AP2A1: variants seen among roughly 807,000 people sequenced by gnomAD.
The protein encoded by AP2A1 is AP-2 complex subunit alpha-1.
Under a neutral mutation model 107.3 loss-of-function variants are expected in AP2A1, and 21 were observed. That is an observed-to-expected ratio of 0.20 (90% CI 0.14 to 0.28). The LOEUF is 0.28. Among genes scored for constraint, AP2A1 ranks in the 10% least tolerant of loss-of-function variants. AP2A1 has a pLI of 1.00. For missense variants in AP2A1, 873 were observed against 1,307.7 expected (o/e 0.67, Z 5.13); for synonymous variants, 602 against 564.8 (o/e 1.07, Z -0.93).
rs200754162 is a variant in AP2A1 at position 49,799,964 on chromosome 19, G to A, written c.1273-4G>A. 39 of 1,612,198 alleles carry A rather than the reference G, an allele frequency of 2.4e-5. No homozygotes were observed. The Admixed American group carries it at 5.7e-4, about 23-fold the overall frequency. ...ACACTCTCTCTCACACGCCCCGGCG[G>A]CAGGTCCTGAAGGTGGCCATCCTGG... On this transcript the variant is annotated splice_polypyrimidine_tract_variant and splice_region_variant and intron_variant, in intron 10 of 22. Coordinates refer to ENST00000354293, the MANE Select transcript of AP2A1 (RefSeq NM_130787.3).
chr19:49,805,073 A>AT (rs1228612709), intron 18 of AP2A1: 3 of 184,746 alleles, frequency 1.6e-5, no homozygotes, highest in Non-Finnish European at 2.2e-5. Flanking sequence ...TGCCTGGCTA[A>AT]TTTTTTTGTA....
At position 49,801,544 on chromosome 19, in the gene AP2A1, C is replaced by T. The variant is rs1023243851; in HGVS notation, c.1708C>T (p.Arg570Cys). The T allele has an allele frequency of 5.0e-6, 8 of 1,613,372 alleles. No individual in the cohort carries two copies. The highest frequency in any genetic ancestry group is 2.7e-5 in the African/African-American group (2 of 74,864). The change falls in exon 13 of 23, where the codon CGC becomes TGC. Residue 570 changes from arginine (R) to cysteine (C), a missense_variant. Coordinates refer to ENST00000354293, the MANE Select transcript of AP2A1 (RefSeq NM_130787.3). ...QGVLRAGSQL[R>C]NADVELQQRA... Reference sequence around the variant, plus strand: ...CGTCCTGCGGGCCGGCTCCCAGCTGCGCAATGCTGACGTGGAGCTGCAGCA... The same window carrying T: ...CGTCCTGCGGGCCGGCTCCCAGCTGTGCAATGCTGACGTGGAGCTGCAGCA...
At chr19:49,774,811 C>T (rs751933393) in intron 1 of AP2A1, among the ~76,000 whole-genome samples, 5 of 151,638 alleles carry the variant, frequency 3.3e-5, no homozygotes, top group African/African-American at 9.7e-5. Context: ...CCTAGCCACT[C>T]GGGAGGCTGA....
chr19:49,781,846 C>A, intron 2 of AP2A1, 21 bp downstream of exon 2: 2 of 1,610,850 alleles, frequency 1.2e-6, no homozygotes, highest in Non-Finnish European at 1.7e-6. Context: ...GGCCCAACTT[C>A]TGGTTCTGAG....
In AP2A1 at chr19:49,767,168, G is replaced by A. The variant is rs764249348; in HGVS notation, c.35G>A (p.Gly12Glu). 6.2e-7 allele frequency: 1 copy of A among 1,612,010 alleles called. No homozygotes were observed. Among genetic ancestry groups the A allele is most frequent in the Non-Finnish European group, 8.5e-7 (1 of 1,179,770 alleles). The part of the protein sequence containing the change: ...PAVSKGDGMR[G>E]LAVFISDIRN... The stretch of plus-strand genomic sequence containing the variant: ...GTGTCCAAGGGCGATGGGATGCGGG[G>A]GCTCGCGGTGTTCATCTCCGACATC... Residue 12 changes from glycine (G) to glutamate (E), a missense_variant, in exon 1 of 23, where the codon GGG (glycine) becomes GAG (glutamate). Around this residue, in one of 4 missense-constraint regions of AP2A1, gnomAD observed 87 missense variants for 178.2 expected, o/e 0.49. Coordinates refer to ENST00000354293, the MANE Select transcript of AP2A1 (RefSeq NM_130787.3).
At chr19:49,790,729 A>G (rs1393896532) in intron 4 of AP2A1, among the ~76,000 whole-genome samples, 1 of 152,240 alleles carries the variant, frequency 6.6e-6, no homozygotes, top group East Asian at 1.9e-4. Context: ...CTTGGATTCA[A>G]AAGAGCCTTG....
At chr19:49,798,703 C>G in intron 7 of AP2A1, 99 bp from the exon 8 acceptor site, 1 of 1,468,632 alleles carries the variant, frequency 6.8e-7, no homozygotes, top group Non-Finnish European at 9.1e-7. Flanking sequence ...ACCCCGAGCT[C>G]CTCCTTTGGA....
rs748925714 is a variant in AP2A1, at chr19:49,802,008, C to T, written c.1981C>T (p.Leu661=). The T allele has an allele frequency of 5.8e-6, 9 of 1,550,010 alleles. No individual in the cohort carries two copies. The East Asian group carries it at 1.2e-4, about 20-fold the overall frequency. ...GACGCCCTCGCCCTCCGCCGACCTCCTGGGGCTGCGGGCAGCCCCTCCCCC... is the reference window on the plus strand; with the variant it reads ...GACGCCCTCGCCCTCCGCCGACCTCTTGGGGCTGCGGGCAGCCCCTCCCCC... ...VSTPSPSADL[L]GLRAAPPPAA... Residue 661 remains leucine, a synonymous_variant, in exon 15 of 23, where the codon CTG becomes TTG. Transcript: ENST00000354293.
At chr19:49,781,228 G>A (rs868522754) in intron 1 of AP2A1, among the ~76,000 whole-genome samples, 7 of 151,998 alleles carry the variant, frequency 4.6e-5, no homozygotes, top group South Asian at 2.1e-4. Context: ...GACAGGCCAC[G>A]CGGGAGAGGA....
intron 1 of AP2A1, among the ~76,000 whole-genome samples, chr19:49,777,714 C>T (rs1052322801): frequency 6.6e-6 from 1 of 151,162 alleles, no homozygotes; most frequent in Non-Finnish European, 1.5e-5. Flanking sequence ...CTGAGGTGGG[C>T]GGAGGAGTTG....
chr19:49,787,320 T>G (rs2084749119), intron 4 of AP2A1, among the ~76,000 whole-genome samples: 1 of 143,436 alleles, frequency 7.0e-6, no homozygotes, highest in Non-Finnish European at 1.5e-5. Context: ...ACCACTCCCA[T>G]CTAGGCTTTT....
chr19:49,787,338 G>GTTTTTTTTTT (rs1418425703), intron 4 of AP2A1, among the ~76,000 whole-genome samples: 4 of 89,732 alleles, frequency 4.5e-5, no homozygotes, highest in Admixed American at 1.2e-4. Context: ...TTTTTTGTTT[G>GTTTTTTTTTT]TTTTTTTTGT....
At position 49,806,905 on chromosome 19, in the gene AP2A1, TTTTA is replaced by T; in HGVS notation, c.*151_*154del. On this transcript the variant is annotated 3_prime_UTR_variant, in exon 23 of 23. Transcript: ENST00000354293. ...GGGACTTTCCTCCGGCCTTTTGTAT[TTTTA>T]TTTTTGTTCATCTGCTGCTGTTTAC... 6.5e-7 allele frequency: 1 copy of T among 1,538,566 alleles called. No individual in the cohort carries two copies.
chr19:49,795,802 C>A, intron 7 of AP2A1, 64 bp downstream of exon 7: 1 of 1,215,330 alleles, frequency 8.2e-7, no homozygotes, highest in Non-Finnish European at 1.2e-6. Context: ...GGGCCTCCTG[C>A]TCCACGGCGC....
Position 49,767,037 on chromosome 19 carries a change from GGC to G in AP2A1, c.-94_-93del. On this transcript the variant is annotated 5_prime_UTR_variant, in exon 1 of 23. Coordinates refer to ENST00000354293, the MANE Select transcript of AP2A1 (RefSeq NM_130787.3). Reference sequence around the variant, plus strand: ...CTCCCCGCGGCCGGCTCGGCTCCTTGGCGCTGCCTGGGGTCCTTTCCGCCCGG... The same window carrying G: ...CTCCCCGCGGCCGGCTCGGCTCCTTGGCTGCCTGGGGTCCTTTCCGCCCGG... 1 of 1,256,830 alleles carries G rather than the reference GGC, an allele frequency of 8.0e-7. No homozygotes were observed. Among genetic ancestry groups the G allele is most frequent in the Non-Finnish European group, 1.1e-6 (1 of 945,728 alleles). The allele number at this position is 1,256,830 out of a possible 1,614,324, so 77.9% of individuals were successfully genotyped here. A position where few individuals can be genotyped will look rare whatever the true frequency, so the allele number is the denominator to read the frequency against.
chr19:49,795,332 C>G (rs947065944), intron 6 of AP2A1, among the ~76,000 whole-genome samples: 1 of 152,204 alleles, frequency 6.6e-6, no homozygotes, highest in Non-Finnish European at 1.5e-5. Context: ...TCCTCGCTCC[C>G]TTCCCAGAGC....
intron 6 of AP2A1, 58 bp from the exon 7 acceptor site, chr19:49,795,572 G>T: frequency 9.3e-7 from 1 of 1,079,610 alleles, no homozygotes; most frequent in Non-Finnish European, 1.4e-6. Flanking sequence ...CCTGGCATGT[G>T]GACCCACGTG....
chr19:49,779,504 A>AAG (rs1192234491), intron 1 of AP2A1, among the ~76,000 whole-genome samples: 1 of 151,238 alleles, frequency 6.6e-6, no homozygotes. Flanking sequence ...AAAAAAAAAA[A>AAG]AAAAAAACAG....
In AP2A1 at chr19:49,803,676, GT is replaced by G. The variant is rs1341118714; in HGVS notation, c.2344+301del. 6.9e-6 allele frequency: 3 copies of G among 437,902 alleles called. No homozygotes were observed. In the East Asian group the frequency reaches 1.5e-4, roughly 22 times the overall value. The allele number at this position is 437,902 out of a possible 1,614,324, so 27.1% of individuals were successfully genotyped here. A position where few individuals can be genotyped will look rare whatever the true frequency, so the allele number is the denominator to read the frequency against. ...GCCATCGTCCTCCACTGGGCTCCATGTCATGATGCCAGCACCGCCTGCACTC... is the reference window on the plus strand; with the variant it reads ...GCCATCGTCCTCCACTGGGCTCCATGCATGATGCCAGCACCGCCTGCACTC... On this transcript the variant is annotated intron_variant, in intron 18 of 22. Coordinates refer to ENST00000354293, the MANE Select transcript of AP2A1 (RefSeq NM_130787.3).
Sources: gnomAD v4.1 joint callset for allele counts (sites outside exome capture counted in the v4.1 genomes callset) on GRCh38, gnomAD v4.1.1 for gene constraint, gnomAD v4.1.1 regional missense constraint, MANE v1.5 for transcripts, NCBI Gene and HGNC (gene_info 2026-07-23, HGNC 2026-07-21) for gene names.